The following LSAMP variants were observed in gnomAD, a reference collection of about 807,000 sequenced individuals.
The protein encoded by LSAMP is limbic system associated membrane protein, also known as limbic system-associated membrane protein.
In LSAMP, 7 loss-of-function variants were observed where a neutral mutation model predicts 38.6. That is an observed-to-expected ratio of 0.18 (90% CI 0.10 to 0.34). The LOEUF (loss-of-function observed/expected upper bound fraction) is 0.34, where lower values mean the gene tolerates loss of function less well. LSAMP is among the 10% of genes least tolerant of loss of function. LSAMP has a pLI of 1.00. For missense variants in LSAMP, 313 were observed against 420.0 expected (o/e 0.75, Z 2.23); for synonymous variants, 154 against 166.8 (o/e 0.92, Z 0.59).
intron 3 of LSAMP, among the ~76,000 whole-genome samples, chr3:115,891,995 A>G (rs534866405): frequency 8.3e-4 from 127 of 152,132 alleles, no homozygotes; most frequent in Non-Finnish European, 5.2e-4. Context: ...TCACTGTACT[A>G]TATCACTTAA....
intron 1 of LSAMP, among the ~76,000 whole-genome samples, chr3:116,176,527 A>T (rs1196285495): frequency 6.6e-6 from 1 of 152,140 alleles, no homozygotes; most frequent in Non-Finnish European, 1.5e-5. Context: ...GCCAATAACT[A>T]AACAATCAAC....
intron 3 of LSAMP, among the ~76,000 whole-genome samples, chr3:115,997,319 T>C (rs35764849): frequency 0.42 from 64,128 of 151,778 alleles, 14,407 homozygotes; most frequent in African/African-American, 0.59. Flanking sequence ...GTACATTCCA[T>C]TGTGGGACTA....
intron 1 of LSAMP, among the ~76,000 whole-genome samples, chr3:116,351,606 A>G (rs2048141013): frequency 6.6e-6 from 1 of 152,084 alleles, no homozygotes; most frequent in Admixed American, 6.6e-5. Context: ...ACTCTTCCCA[A>G]TAATTATAAG....
rs1933539044 is a variant in LSAMP at position 115,802,543 on chromosome 3, C to A, written c.*7774G>T. On this transcript the variant is annotated 3_prime_UTR_variant, in exon 7 of 7. Coordinates refer to ENST00000490035, the MANE Select transcript of LSAMP (RefSeq NM_002338.5). ...TAATTTTAATTTTTTTTTTTTAACA[C>A]ACATTGCGCTTTTTATCTCCTTCAC... The A allele has an allele frequency of 6.9e-6, 1 of 145,156 alleles. No homozygotes were observed. 9.0% of individuals were successfully genotyped at this position (145,156 alleles called of 1,614,324 possible).
chr3:116,416,200 T>G (rs2049047780), intron 1 of LSAMP, among the ~76,000 whole-genome samples: 1 of 152,174 alleles, frequency 6.6e-6, no homozygotes, highest in African/African-American at 2.4e-5. Context: ...ATTGAGCACT[T>G]CTGTGTGCCA....
At chr3:116,197,167 T>A (rs868363394) in intron 1 of LSAMP, among the ~76,000 whole-genome samples, 86 of 78,466 alleles carry the variant, frequency 1.1e-3, no homozygotes, top group African/African-American at 1.4e-3. Context: ...ACACACACTC[T>A]CTCTCTCTCT....
intron 2 of LSAMP, among the ~76,000 whole-genome samples, chr3:116,051,945 C>CTTTAA (rs1941404430): frequency 2.0e-5 from 3 of 152,072 alleles, no homozygotes; most frequent in Non-Finnish European, 2.9e-5. Context: ...TTCTTTGTAT[C>CTTTAA]CTGTATTATT....
At chr3:116,294,990 G>C (rs1377807298) in intron 1 of LSAMP, among the ~76,000 whole-genome samples, 1 of 152,166 alleles carries the variant, frequency 6.6e-6, no homozygotes, top group African/African-American at 2.4e-5. Context: ...ATCGTCAAGA[G>C]AGCAGGAAAT....
chr3:115,914,510 T>C (rs908406920), intron 3 of LSAMP, among the ~76,000 whole-genome samples: 10 of 152,240 alleles, frequency 6.6e-5, no homozygotes, highest in African/African-American at 2.4e-4. Flanking sequence ...AATCTCCACT[T>C]GTTCTTGTTG....
intron 1 of LSAMP, among the ~76,000 whole-genome samples, chr3:116,306,022 T>G (rs933294572): frequency 3.3e-5 from 5 of 151,878 alleles, no homozygotes; most frequent in African/African-American, 9.7e-5. Flanking sequence ...TAAGCTTCAA[T>G]GTGAAGCTAA....
chr3:116,233,562 T>C (rs2046429628), intron 1 of LSAMP, among the ~76,000 whole-genome samples: 1 of 152,138 alleles, frequency 6.6e-6, no homozygotes, highest in South Asian at 2.1e-4. Flanking sequence ...ACACTAGCTC[T>C]TATTCCTTCC....
intron 1 of LSAMP, among the ~76,000 whole-genome samples, chr3:116,141,825 CT>C (rs1173568744): frequency 6.6e-6 from 1 of 151,938 alleles, no homozygotes; most frequent in Non-Finnish European, 1.5e-5. Flanking sequence ...TTTTTAAATA[CT>C]TTATCAGACT....
chr3:116,006,846 A>G (rs1405567040), intron 3 of LSAMP, among the ~76,000 whole-genome samples: 1 of 152,224 alleles, frequency 6.6e-6, no homozygotes. Flanking sequence ...TTTGAAAAAT[A>G]TAAAATGTCT....
chr3:116,430,116 C>G (rs998888320), intron 1 of LSAMP, among the ~76,000 whole-genome samples: 1 of 152,144 alleles, frequency 6.6e-6, no homozygotes, highest in African/African-American at 2.4e-5. Context: ...AAAAGTAACT[C>G]TCTGAGACCA....
At chr3:116,136,290 AAG>A (rs1709246241) in intron 1 of LSAMP, among the ~76,000 whole-genome samples, 1 of 152,278 alleles carries the variant, frequency 6.6e-6, no homozygotes, top group South Asian at 2.1e-4. Flanking sequence ...TTGGTTGTAA[AAG>A]AGTGCAGCAG....
intron 1 of LSAMP, among the ~76,000 whole-genome samples, chr3:116,320,883 C>T (rs1251341313): frequency 6.6e-6 from 1 of 152,152 alleles, no homozygotes; most frequent in Non-Finnish European, 1.5e-5. Context: ...TATTTTCTTC[C>T]TCCCTTTAGG....
chr3:116,410,300 C>A (rs372900108), intron 1 of LSAMP, among the ~76,000 whole-genome samples: 3 of 151,820 alleles, frequency 2.0e-5, no homozygotes, highest in African/African-American at 7.3e-5. Context: ...ATTGAAATGA[C>A]AAGGGGAGCT....
intron 1 of LSAMP, among the ~76,000 whole-genome samples, chr3:116,250,947 T>A (rs1450048376): frequency 1.3e-5 from 2 of 152,148 alleles, no homozygotes; most frequent in Non-Finnish European, 2.9e-5. Flanking sequence ...TGTCCCTGTG[T>A]GTACATCTGT....
chr3:116,008,774 C>T (rs997234291), intron 3 of LSAMP, among the ~76,000 whole-genome samples: 8 of 151,668 alleles, frequency 5.3e-5, no homozygotes, highest in African/African-American at 9.7e-5. Context: ...TTGGTAGGAA[C>T]GTGGGGAAAG....
Sources: allele counts gnomAD v4.1 joint callset (sites outside exome capture counted in the v4.1 genomes callset), GRCh38; gene constraint gnomAD v4.1.1; transcripts MANE v1.5; gene names NCBI Gene and HGNC (gene_info 2026-07-23, HGNC 2026-07-21).